NEGR1: variants seen among roughly 807,000 people sequenced by gnomAD.
NEGR1 encodes the protein IgLON family member 4.
A neutral mutation model predicts 40.9 loss-of-function variants in NEGR1; 10 were observed. The ratio of observed to expected loss-of-function variants is 0.24; its 90% confidence interval spans 0.15 to 0.42. NEGR1 has a LOEUF of 0.42. NEGR1 is among the 10% of genes least tolerant of loss of function. The probability of loss-of-function intolerance (pLI) is 1.00; values close to 1 mark genes in which losing one functional copy is unlikely to be tolerated. For missense variants in NEGR1, 352 were observed against 438.9 expected, an observed-to-expected ratio of 0.80 and a Z score of 1.77; for synonymous variants, 185 against 166.8, an observed-to-expected ratio of 1.11 and a Z score of -0.84.
intron 1 of NEGR1, among the ~76,000 whole-genome samples, chr1:72,130,226 T>G (rs914399226): frequency 2.6e-5 from 4 of 152,188 alleles, no homozygotes; most frequent in African/African-American, 7.2e-5. Context: ...CTGCATGTTT[T>G]TAACTACAGG....
intron 2 of NEGR1, among the ~76,000 whole-genome samples, chr1:71,834,370 C>A (rs1658942044): frequency 6.6e-6 from 1 of 152,062 alleles, no homozygotes; most frequent in African/African-American, 2.4e-5. Context: ...AAATTGACCT[C>A]CCCAGTGTGG....
intron 6 of NEGR1, among the ~76,000 whole-genome samples, chr1:71,585,470 G>A (rs1189076908): frequency 1.3e-5 from 2 of 151,946 alleles, no homozygotes; most frequent in Admixed American, 6.6e-5. Flanking sequence ...TTTTCTATGT[G>A]TTTTTGGTAC....
intron 1 of NEGR1, among the ~76,000 whole-genome samples, chr1:72,096,780 C>A (rs540937780): frequency 3.9e-4 from 60 of 152,184 alleles, no homozygotes; most frequent in African/African-American, 1.3e-3. Context: ...CCTGCCTCAG[C>A]CTCCCGAGTA....
chr1:72,045,150 A>G (rs1385967107), intron 1 of NEGR1, among the ~76,000 whole-genome samples: 2 of 151,828 alleles, frequency 1.3e-5, no homozygotes, highest in African/African-American at 4.8e-5. Flanking sequence ...AAAATCTCTG[A>G]TTCTTTTCAT....
intron 1 of NEGR1, among the ~76,000 whole-genome samples, chr1:72,142,081 G>T (rs1026193031): frequency 1.3e-5 from 2 of 151,910 alleles, no homozygotes; most frequent in African/African-American, 4.8e-5. Flanking sequence ...AAGCATCTCC[G>T]TATCAGAGAA....
intron 1 of NEGR1, among the ~76,000 whole-genome samples, chr1:72,060,378 T>C (rs1647155503): frequency 6.6e-6 from 1 of 151,706 alleles, no homozygotes; most frequent in Non-Finnish European, 1.5e-5. Flanking sequence ...TTAAAGATGG[T>C]AAAAATTGAT....
chr1:71,464,140 A>G (rs1232143936), intron 6 of NEGR1, among the ~76,000 whole-genome samples: 1 of 152,140 alleles, frequency 6.6e-6, no homozygotes, highest in African/African-American at 2.4e-5. Flanking sequence ...ACAGCTTGCT[A>G]TCTAGCCTCT....
At chr1:71,706,564 C>CAAAAAA (rs35126210) in intron 3 of NEGR1, among the ~76,000 whole-genome samples, 1 of 116,314 alleles carries the variant, frequency 8.6e-6, no homozygotes, top group Admixed American at 9.3e-5. Context: ...GTTGCTGCTC[C>CAAAAAA]AAAAAAAAAA....
chr1:71,918,149 A>G lies in NEGR1; in HGVS notation c.409+16930T>C, dbSNP rs1055033364. Among the ~76,000 whole-genome samples the G allele has an allele frequency of 3.0e-5, 4 of 133,316 alleles. No homozygotes were observed. In the South Asian group the frequency reaches 1.1e-3, roughly 36 times the overall value. The allele number at this position is 133,316 out of a possible 152,430, so 87.5% of individuals were successfully genotyped here. On this transcript the variant is annotated intron_variant, in intron 2 of 6. Transcript: ENST00000357731. ...GGAGAATGGCGTGAACCCGGGAGGCAGAGGTTGCAGTGAGCCGAGATTGCG... is the reference window on the plus strand; with the variant it reads ...GGAGAATGGCGTGAACCCGGGAGGCGGAGGTTGCAGTGAGCCGAGATTGCG...
At position 71,407,700 on chromosome 1, in the gene NEGR1, T is replaced by A. The variant is rs893407254; in HGVS notation, c.941-130A>T. On this transcript the variant is annotated intron_variant, in intron 6 of 6. Transcript: ENST00000357731. ...GGAGTCAGACAGACTGAAGTTCATA[T>A]CTGATTCTGCTATATGACAACGTGT... The A allele has an allele frequency of 5.7e-5, 45 of 789,876 alleles. No homozygotes were observed. In the Middle Eastern group the frequency reaches 1.3e-3, roughly 23 times the overall value. The allele number at this position is 789,876 out of a possible 1,614,324, so 48.9% of individuals were successfully genotyped here. A position where few individuals can be genotyped will look rare whatever the true frequency, so the allele number is the denominator to read the frequency against.
intron 1 of NEGR1, among the ~76,000 whole-genome samples, chr1:72,145,378 T>A (rs1650867567): frequency 6.6e-6 from 1 of 152,114 alleles, no homozygotes; most frequent in African/African-American, 2.4e-5. Flanking sequence ...TTACTTCAAG[T>A]GAATTGAGTT....
chr1:71,482,833 T>C (rs558699833), intron 6 of NEGR1, among the ~76,000 whole-genome samples: 1 of 152,020 alleles, frequency 6.6e-6, no homozygotes, highest in South Asian at 2.1e-4. Flanking sequence ...CAGCTAACTA[T>C]ATACTGCCTG....
At chr1:71,718,380 GC>G (rs1197717195) in intron 3 of NEGR1, among the ~76,000 whole-genome samples, 9 of 152,086 alleles carry the variant, frequency 5.9e-5, no homozygotes, top group Admixed American at 5.2e-4. Flanking sequence ...TTTGCCTTCT[GC>G]CATGATTGAA....
At chr1:71,656,484 C>T (rs1651880837) in intron 4 of NEGR1, among the ~76,000 whole-genome samples, 1 of 152,142 alleles carries the variant, frequency 6.6e-6, no homozygotes, top group African/African-American at 2.4e-5. Context: ...GGGATCTCGG[C>T]TTACTGCAAA....
intron 2 of NEGR1, among the ~76,000 whole-genome samples, chr1:71,868,837 C>T (rs749058826): frequency 6.6e-6 from 1 of 152,014 alleles, no homozygotes; most frequent in Non-Finnish European, 1.5e-5. Flanking sequence ...TCTCCCCTTC[C>T]CACTTCCCAC....
At chr1:71,502,791 G>A (rs1002559787) in intron 6 of NEGR1, among the ~76,000 whole-genome samples, 3 of 152,194 alleles carry the variant, frequency 2.0e-5, no homozygotes, top group Non-Finnish European at 2.9e-5. Context: ...TGGTGGTTGG[G>A]CATGTTCATA....
chr1:72,045,908 G>A (rs552737638), intron 1 of NEGR1, among the ~76,000 whole-genome samples: 1 of 151,732 alleles, frequency 6.6e-6, no homozygotes, highest in Admixed American at 6.6e-5. Flanking sequence ...GGTGGATTTT[G>A]TAAAACTGTT....
chr1:72,064,216 AATC>A (rs1309698957), intron 1 of NEGR1, among the ~76,000 whole-genome samples: 1 of 151,948 alleles, frequency 6.6e-6, no homozygotes, highest in East Asian at 1.9e-4. Context: ...CTTTATCACA[AATC>A]ATATTGCCTT....
chr1:71,908,994 C>T (rs1049124938), intron 2 of NEGR1, among the ~76,000 whole-genome samples: 61 of 152,134 alleles, frequency 4.0e-4, no homozygotes, highest in African/African-American at 1.4e-3. Flanking sequence ...TGACAAAAGA[C>T]AAATCATTTG....
Sources: gnomAD v4.1 joint callset for allele counts (sites outside exome capture counted in the v4.1 genomes callset) on GRCh38, gnomAD v4.1.1 for gene constraint, MANE v1.5 for transcripts, NCBI Gene and HGNC (gene_info 2026-07-23, HGNC 2026-07-21) for gene names.